The following GPHN variants were observed in gnomAD, a reference collection of about 807,000 sequenced individuals.
GPHN encodes gephyrin.
Under a neutral mutation model 95.5 loss-of-function variants are expected in GPHN, and 17 were observed. That is an observed-to-expected ratio of 0.18 (90% CI 0.12 to 0.27). The LOEUF (loss-of-function observed/expected upper bound fraction) is 0.27. GPHN is among the 10% of genes least tolerant of loss of function. GPHN has a pLI of 1.00. For missense variants in GPHN, 660 were observed against 978.1 expected (o/e 0.67, Z 4.34); for synonymous variants, 320 against 322.5 (o/e 0.99, Z 0.08).
At chr14:66,760,788 G>T in intron 2 of GPHN, 1 of 497,782 alleles carries the variant, frequency 2.0e-6, no homozygotes, top group South Asian at 1.5e-5. Flanking sequence ...GAGAGCTATG[G>T]AATAAAAGTA....
intron 10 of GPHN, among the ~76,000 whole-genome samples, chr14:67,036,501 G>GCACGCACACACA (rs1555469786): frequency 8.5e-6 from 1 of 118,148 alleles, no homozygotes; most frequent in African/African-American, 3.9e-5. Flanking sequence ...ATACATACAT[G>GCACGCACACACA]CACACACACA....
chr14:66,632,184 A>G (rs1370419194), intron 1 of GPHN, among the ~76,000 whole-genome samples: 2 of 152,186 alleles, frequency 1.3e-5, no homozygotes, highest in Non-Finnish European at 2.9e-5. Context: ...AAATGATTAG[A>G]TTAAATGAGA....
intron 2 of GPHN, chr14:66,760,727 G>A (rs1377246549): frequency 3.0e-5 from 14 of 464,124 alleles, no homozygotes; most frequent in East Asian, 5.6e-5. Context: ...ACTTATAGTG[G>A]ATAATTCATT....
the GPHN span, chr14:67,411,988 G>T: frequency 6.5e-7 from 1 of 1,528,758 alleles, no homozygotes; most frequent in Non-Finnish European, 8.8e-7. Context: ...CCCCACCCGG[G>T]CAATGTCCCG....
chr14:67,198,377 G>C, the GPHN span: 1 of 1,479,650 alleles, frequency 6.8e-7, no homozygotes, highest in Non-Finnish European at 9.3e-7. Flanking sequence ...TTTTCTCAAA[G>C]AAAACTGAAA....
intron 1 of GPHN, among the ~76,000 whole-genome samples, chr14:66,533,498 T>C (rs2059021650): frequency 6.6e-6 from 1 of 152,174 alleles, no homozygotes; most frequent in African/African-American, 2.4e-5. Context: ...ACAAGCAACA[T>C]GCCGTGGGTG....
At chr14:67,132,140 C>A (rs1398558510) in intron 17 of GPHN, among the ~76,000 whole-genome samples, 1 of 152,178 alleles carries the variant, frequency 6.6e-6, no homozygotes, top group Non-Finnish European at 1.5e-5. Context: ...AGCAGAAGGA[C>A]AAATACTGAG....
chr14:67,126,322 C>G (rs1202913882), intron 17 of GPHN, among the ~76,000 whole-genome samples: 1 of 152,092 alleles, frequency 6.6e-6, no homozygotes, highest in South Asian at 2.1e-4. Flanking sequence ...GATTGACAAT[C>G]CATAATTCTC....
chr14:67,616,531 T>G, the GPHN span: 1 of 152,810 alleles, frequency 6.5e-6, no homozygotes, highest in Non-Finnish European at 1.5e-5. Flanking sequence ...TGCTTCTAAG[T>G]ACATACAATT....
chr14:67,202,308 G>A, the GPHN span, among the ~76,000 whole-genome samples: 1 of 152,162 alleles, frequency 6.6e-6, no homozygotes. Flanking sequence ...GGGCTTGGTG[G>A]CATGTGCCTG....
At chr14:67,535,973 G>A in the GPHN span, among the ~76,000 whole-genome samples, 1 of 152,200 alleles carries the variant, frequency 6.6e-6, no homozygotes, top group African/African-American at 2.4e-5. Context: ...TCTCAAAGAA[G>A]TTAAGCAAAT....
At chr14:67,271,113 T>C in the GPHN span, 1 of 152,068 alleles carries the variant, frequency 6.6e-6, no homozygotes, top group Non-Finnish European at 1.5e-5. Context: ...AGAGGAGTGG[T>C]TTGCTCATAT....
At chr14:67,441,455 G>A in the GPHN span, among the ~76,000 whole-genome samples, 1 of 152,124 alleles carries the variant, frequency 6.6e-6, no homozygotes, top group African/African-American at 2.4e-5. Context: ...ACTTACAAAG[G>A]GGAACTCCAA....
At chr14:66,675,336 G>A (rs2066526996) in intron 1 of GPHN, among the ~76,000 whole-genome samples, 1 of 151,744 alleles carries the variant, frequency 6.6e-6, no homozygotes, top group Non-Finnish European at 1.5e-5. Flanking sequence ...GTAGAGATGG[G>A]GTTTCACCCA....
the GPHN span, chr14:67,646,950 A>G: frequency 9.3e-6 from 15 of 1,610,238 alleles, no homozygotes; most frequent in African/African-American, 1.6e-4. Context: ...GATATCCAGT[A>G]TTTTTCCATG....
At chr14:67,136,453 A>T (rs981702852) in intron 17 of GPHN, among the ~76,000 whole-genome samples, 6 of 152,372 alleles carry the variant, frequency 3.9e-5, no homozygotes, top group Admixed American at 3.3e-4. Flanking sequence ...GGGCAGTCTT[A>T]GTATTTTTTC....
chr14:67,270,580 C>G, the GPHN span: 1 of 139,772 alleles, frequency 7.2e-6, no homozygotes, highest in South Asian at 2.3e-4. Flanking sequence ...TCTGAATTGT[C>G]AAAGGACTTT....
chr14:67,193,186 A>G, the GPHN span, among the ~76,000 whole-genome samples: 1 of 139,478 alleles, frequency 7.2e-6, no homozygotes, highest in African/African-American at 2.7e-5. Context: ...CTCTATATAG[A>G]CATCTATCTA....
intron 9 of GPHN, among the ~76,000 whole-genome samples, chr14:66,976,546 C>G (rs2070234350): frequency 6.6e-6 from 1 of 152,102 alleles, no homozygotes; most frequent in South Asian, 2.1e-4. Flanking sequence ...GATACATATT[C>G]TAAAATTAGG....
Sources: gnomAD v4.1 joint callset for allele counts (sites outside exome capture counted in the v4.1 genomes callset) on GRCh38, gnomAD v4.1.1 for gene constraint, MANE v1.5 for transcripts, NCBI Gene and HGNC (gene_info 2026-07-23, HGNC 2026-07-21) for gene names.